The following FAHD2A variants were observed in gnomAD, a reference collection of about 807,000 sequenced individuals.
FAHD2A encodes the protein fumarylacetoacetate hydrolase domain containing 2A.
In FAHD2A, 27 loss-of-function variants were observed where a neutral mutation model predicts 33.4. The observed-to-expected ratio is 0.81, with a 90% CI of 0.60 to 1.11. The LOEUF is 1.11. Among genes scored for constraint, FAHD2A ranks in the 50% most tolerant of loss-of-function variants. The pLI is 0.00. For missense variants in FAHD2A, 296 were observed against 395.0 expected (o/e 0.75, Z 2.12); for synonymous variants, 130 against 153.3 (o/e 0.85, Z 1.12).
At position 95,413,271 on chromosome 2, in the gene FAHD2A, G is replaced by C. The variant is rs1002113415; in HGVS notation, c.*314G>C. On this transcript the variant is annotated 3_prime_UTR_variant, in exon 8 of 8. Coordinates refer to ENST00000233379, the MANE Select transcript of FAHD2A (RefSeq NM_016044.3). ...TGCTGGGCTGGGGAAAAGACAATTC[G>C]TGTCGTCCCCTTGTTTATCACATCA... 5.3e-5 allele frequency: 72 copies of C among 1,346,272 alleles called. No individual in the cohort carries two copies. The highest frequency in any genetic ancestry group is 6.8e-5 in the Non-Finnish European group (69 of 1,007,384). 83.4% of individuals were successfully genotyped at this position (1,346,272 alleles called of 1,614,324 possible). A position where few individuals can be genotyped will look rare whatever the true frequency, so the allele number is the denominator to read the frequency against.
rs1682833109 is a variant in FAHD2A, at chr2:95,413,324, G to C, written c.*367G>C. On this transcript the variant is annotated 3_prime_UTR_variant, in exon 8 of 8. Coordinates refer to ENST00000233379, the MANE Select transcript of FAHD2A (RefSeq NM_016044.3). ...GAAGGGAAAAAGCAAGAGATGGCAA[G>C]GGACAATCAAGCCTCAATGATTATA... 6.8e-7 allele frequency: 1 copy of C among 1,460,602 alleles called. No homozygotes were observed. Among genetic ancestry groups the C allele is most frequent in the African/African-American group, 1.4e-5 (1 of 70,328 alleles). 90.5% of individuals were successfully genotyped at this position (1,460,602 alleles called of 1,614,324 possible).
chr2:95,418,415 A>G (rs1683268054), downstream of FAHD2A, among the ~76,000 whole-genome samples: 2 of 152,044 alleles, frequency 1.3e-5, no homozygotes, highest in Non-Finnish European at 1.5e-5. Flanking sequence ...TGATGCATGA[A>G]GGTTGGGAGG....
In FAHD2A at chr2:95,413,410, C is replaced by T. The variant is rs1431202966; in HGVS notation, c.*453C>T. ...TCTGGCTCTAGGACACAGCTGTGTT[C>T]TGGGGCTCAGAAGTCTCAGCACAGG... On this transcript the variant is annotated 3_prime_UTR_variant, in exon 8 of 8. Transcript: ENST00000233379. The T allele has an allele frequency of 1.4e-5, 22 of 1,598,562 alleles. No individual in the cohort carries two copies. The highest frequency in any genetic ancestry group is 1.8e-5 in the Non-Finnish European group (21 of 1,176,204).
In FAHD2A at chr2:95,413,752, T is replaced by G; in HGVS notation, c.*795T>G. The G allele has an allele frequency of 1.4e-6, 1 of 723,012 alleles. No individual in the cohort carries two copies. The highest frequency in any genetic ancestry group is 2.9e-5 in the Admixed American group (1 of 34,138). 44.8% of individuals were successfully genotyped at this position (723,012 alleles called of 1,614,324 possible). A position where few individuals can be genotyped will look rare whatever the true frequency, so the allele number is the denominator to read the frequency against. ...CCACCTAGAAGGATGAGCCAGTGAT[T>G]TGGGAGACCAAGAGGCAGGAAACCA... On this transcript the variant is annotated 3_prime_UTR_variant, in exon 8 of 8. Coordinates refer to ENST00000233379, the MANE Select transcript of FAHD2A (RefSeq NM_016044.3).
At position 95,410,837 on chromosome 2, in the gene FAHD2A, G is replaced by A. The variant is rs772786422; in HGVS notation, c.523-27G>A. 4 of 1,613,046 alleles carry A rather than the reference G, an allele frequency of 2.5e-6. No individual in the cohort carries two copies. The East Asian group carries it at 6.7e-5, about 27-fold the overall frequency. On this transcript the variant is annotated intron_variant, in intron 4 of 7. Transcript: ENST00000233379. ...GGTGTCACCCATGATCTAACCTCCT[G>A]TATGGCCAAATCCCCTGCCCCCATA...
chr2:95,419,836 G>A (rs1476007269), downstream of FAHD2A, among the ~76,000 whole-genome samples: 1 of 152,006 alleles, frequency 6.6e-6, no homozygotes, highest in Non-Finnish European at 1.5e-5. Context: ...AGTGGGGGCA[G>A]GGGCACAGAG....
Position 95,413,749 on chromosome 2 carries a change from G to A in FAHD2A, c.*792G>A. The stretch of plus-strand genomic sequence containing the variant: ...ACCCCACCTAGAAGGATGAGCCAGT[G>A]ATTTGGGAGACCAAGAGGCAGGAAA... On this transcript the variant is annotated 3_prime_UTR_variant, in exon 8 of 8. Transcript: ENST00000233379. 1 of 728,640 alleles carries A rather than the reference G, an allele frequency of 1.4e-6. No homozygotes were observed. The highest frequency in any genetic ancestry group is 1.9e-5 in the South Asian group (1 of 52,108). 45.1% of individuals were successfully genotyped at this position (728,640 alleles called of 1,614,324 possible).
intron 6 of FAHD2A, 47 bp downstream of exon 6, chr2:95,412,589 A>C (rs762205419): frequency 5.6e-6 from 9 of 1,613,554 alleles, no homozygotes; most frequent in Non-Finnish European, 6.8e-6. Flanking sequence ...CCTGCCACAC[A>C]TGTGGAGGCT....
downstream of FAHD2A, among the ~76,000 whole-genome samples, chr2:95,418,273 AG>A (rs897730392): frequency 8.8e-4 from 133 of 151,642 alleles, no homozygotes; most frequent in African/African-American, 3.0e-3. Context: ...TGTGTGTGTA[AG>A]GAAAGAGGAT....
Position 95,412,900 on chromosome 2 carries a change from G to A in FAHD2A, c.888G>A (p.Gly296=). 6.2e-7 allele frequency: 1 copy of A among 1,614,234 alleles called. No individual in the cohort carries two copies. The highest frequency in any genetic ancestry group is 2.2e-5 in the East Asian group (1 of 44,884). Residue 296 remains glycine, a synonymous_variant, in exon 8 of 8, where the codon GGG becomes GGA. Coordinates refer to ENST00000233379, the MANE Select transcript of FAHD2A (RefSeq NM_016044.3). ...CATGGCCTGCTCTGTTGCAGAAGGG[G>A]GATGAAGTCCAGTGTGAGATTGAAG... ...FRKPPVFLKK[G]DEVQCEIEEL...
intron 3 of FAHD2A, 199 bp downstream of exon 3, chr2:95,407,356 C>T (rs1177435829): frequency 1.6e-5 from 11 of 709,124 alleles, no homozygotes; most frequent in Non-Finnish European, 2.3e-6. Context: ...AAAAGCAATG[C>T]ACCTTCACTG....
intron 1 of FAHD2A, among the ~76,000 whole-genome samples, chr2:95,404,350 G>A (rs566588995): frequency 6.6e-6 from 1 of 152,022 alleles, no homozygotes; most frequent in East Asian, 1.9e-4. Flanking sequence ...CTGGAGTGCA[G>A]TGGCGCGATC....
Position 95,413,554 on chromosome 2 carries a change from G to A in FAHD2A, c.*597G>A, listed in dbSNP as rs965146474. 1.9e-5 allele frequency: 30 copies of A among 1,582,638 alleles called. No homozygotes were observed. Among genetic ancestry groups the A allele is most frequent in the African/African-American group, 8.1e-5 (6 of 74,016 alleles). ...GAGCCTGGGGCCTGCAGGGCTCGGC[G>A]TCTGCTGCAGAACCTGGGCCATGGA... is the stretch of plus-strand genomic sequence containing the variant. On this transcript the variant is annotated 3_prime_UTR_variant, in exon 8 of 8. Transcript: ENST00000233379.
rs1470699462 is a variant in FAHD2A at position 95,416,190 on chromosome 2, G to C, written c.*3233G>C. 3.9e-5 allele frequency: 6 copies of C among 152,248 alleles called. No individual in the cohort carries two copies. Among genetic ancestry groups the C allele is most frequent in the Admixed American group, 3.3e-4 (5 of 15,282 alleles). 9.4% of individuals were successfully genotyped at this position (152,248 alleles called of 1,614,324 possible). A position where few individuals can be genotyped will look rare whatever the true frequency, so the allele number is the denominator to read the frequency against. On this transcript the variant is annotated 3_prime_UTR_variant, in exon 8 of 8. Transcript: ENST00000233379. The stretch of plus-strand genomic sequence containing the variant: ...CTGCTAGGAACACGTGTGGGGCTTT[G>C]TGTGGGTGACTCTCTGGCTCCCCAA...
chr2:95,410,235 A>C (rs888764294), intron 3 of FAHD2A, among the ~76,000 whole-genome samples: 1 of 152,196 alleles, frequency 6.6e-6, no homozygotes, highest in Non-Finnish European at 1.5e-5. Flanking sequence ...AAGTATCCAG[A>C]GTGACTTTTA....
chr2:95,414,156 C>T lies in FAHD2A; in HGVS notation c.*1199C>T. The T allele has an allele frequency of 6.4e-7, 1 of 1,559,268 alleles. No individual in the cohort carries two copies. Among genetic ancestry groups the T allele is most frequent in the Non-Finnish European group, 8.7e-7 (1 of 1,151,068 alleles). ...GAAGACTACTCTGCAGCCCGCCTTCCTAGAGTTGGGTTGTCACTGTCCGGC... is the reference window on the plus strand; with the variant it reads ...GAAGACTACTCTGCAGCCCGCCTTCTTAGAGTTGGGTTGTCACTGTCCGGC... On this transcript the variant is annotated 3_prime_UTR_variant, in exon 8 of 8. Coordinates refer to ENST00000233379, the MANE Select transcript of FAHD2A (RefSeq NM_016044.3).
At chr2:95,412,213 C>G (rs1019119027) in intron 5 of FAHD2A, among the ~76,000 whole-genome samples, 1 of 151,978 alleles carries the variant, frequency 6.6e-6, no homozygotes, top group Non-Finnish European at 1.5e-5. Context: ...CTCAACCCAT[C>G]CCTGTTACTA....
At chr2:95,420,012 A>G (rs1683293018), downstream of FAHD2A, among the ~76,000 whole-genome samples, 1 of 152,042 alleles carries the variant, frequency 6.6e-6, no homozygotes, top group Non-Finnish European at 1.5e-5. Context: ...CCAATGCTGT[A>G]AGTTCCAGTT....
At chr2:95,417,516 A>G (rs1238263121), downstream of FAHD2A, among the ~76,000 whole-genome samples, 1 of 152,236 alleles carries the variant, frequency 6.6e-6, no homozygotes, top group Non-Finnish European at 1.5e-5. Flanking sequence ...CTATGAGAGA[A>G]AAGATATCCA....
Sources: gnomAD v4.1 joint callset for allele counts (sites outside exome capture counted in the v4.1 genomes callset) on GRCh38, gnomAD v4.1.1 for gene constraint, MANE v1.5 for transcripts, NCBI Gene and HGNC (gene_info 2026-07-23, HGNC 2026-07-21) for gene names.